Variants in CPQ observed in about 807,000 individuals in gnomAD.
CPQ encodes Ser-Met dipeptidase.
A neutral mutation model predicts 45.7 loss-of-function variants in CPQ; 37 were observed. The ratio of observed to expected loss-of-function variants is 0.81; its 90% CI spans 0.62 to 1.07. CPQ has a LOEUF of 1.07. Ranked by LOEUF, CPQ falls within the 50% of genes least tolerant of loss-of-function variation. The probability of loss-of-function intolerance (pLI) is 0.00; values close to 1 mark genes in which losing one functional copy is unlikely to be tolerated. For missense variants in CPQ, 537 were observed against 572.9 expected (o/e 0.94, Z 0.64); for synonymous variants, 186 against 205.8 (o/e 0.90, Z 0.82).
chr8:96,821,216 G>A (rs1811304040), intron 2 of CPQ, among the ~76,000 whole-genome samples: 1 of 131,946 alleles, frequency 7.6e-6, no homozygotes, highest in South Asian at 2.5e-4. Context: ...TGGATAGTTT[G>A]CAAATATTTT....
chr8:96,943,742 T>C (rs1813152410), intron 4 of CPQ, among the ~76,000 whole-genome samples: 1 of 152,190 alleles, frequency 6.6e-6, no homozygotes, highest in Non-Finnish European at 1.5e-5. Context: ...AGAAGTGTTG[T>C]AGCTTTTTGT....
At chr8:97,097,476 C>A (rs1180481513) in intron 7 of CPQ, among the ~76,000 whole-genome samples, 3 of 152,086 alleles carry the variant, frequency 2.0e-5, no homozygotes, top group African/African-American at 4.8e-5. Flanking sequence ...GTGATTGTAA[C>A]CCCCATTCTT....
chr8:96,740,288 C>G (rs1409950971), intron 1 of CPQ, among the ~76,000 whole-genome samples: 2 of 152,078 alleles, frequency 1.3e-5, no homozygotes, highest in East Asian at 3.9e-4. Context: ...TATAAGAATG[C>G]TTGTGATTTT....
intron 7 of CPQ, among the ~76,000 whole-genome samples, chr8:97,100,516 G>C (rs1245716102): frequency 6.6e-6 from 1 of 152,180 alleles, no homozygotes; most frequent in Non-Finnish European, 1.5e-5. Flanking sequence ...GCAGGTCAGG[G>C]ATAGGGATAA....
intron 3 of CPQ, among the ~76,000 whole-genome samples, chr8:96,870,944 G>C (rs1260419194): frequency 6.6e-6 from 1 of 151,848 alleles, no homozygotes; most frequent in African/African-American, 2.4e-5. Flanking sequence ...CCAAACTAAG[G>C]TTTAAAAAAG....
intron 5 of CPQ, among the ~76,000 whole-genome samples, chr8:96,986,460 C>T (rs1258799658): frequency 1.3e-5 from 2 of 152,026 alleles, no homozygotes; most frequent in Admixed American, 6.6e-5. Flanking sequence ...AAATTTTATA[C>T]GGATTTTTTT....
chr8:97,115,874 G>A (rs1230606768), intron 7 of CPQ, among the ~76,000 whole-genome samples: 2 of 152,124 alleles, frequency 1.3e-5, no homozygotes, highest in Non-Finnish European at 2.9e-5. Flanking sequence ...TTGAAAAAAT[G>A]GTTATAATTG....
At chr8:97,017,706 C>G (rs973589223) in intron 5 of CPQ, among the ~76,000 whole-genome samples, 1 of 152,134 alleles carries the variant, frequency 6.6e-6, no homozygotes, top group African/African-American at 2.4e-5. Context: ...AACATAACTC[C>G]ATTGACCTAG....
At chr8:96,895,674 A>T (rs1812433797) in intron 4 of CPQ, among the ~76,000 whole-genome samples, 1 of 152,184 alleles carries the variant, frequency 6.6e-6, no homozygotes. Context: ...CCCTTCCAAG[A>T]GAACTGCCTT....
rs547384931 is a variant in CPQ, at chr8:97,021,740, ATGCTTGT to A, written c.962-7662_962-7656del. The stretch of plus-strand genomic sequence containing the variant: ...ACGCAAACAAATGGAAACACATCCC[ATGCTTGT>A]GAATAGGTAGAATCAATATTGTGAA... On this transcript the variant is annotated intron_variant, in intron 5 of 7. Transcript: ENST00000220763. 1.3e-4 allele frequency among the ~76,000 whole-genome samples: 20 copies of A among 152,338 alleles called. No individual in the cohort carries two copies. In the East Asian group the frequency reaches 3.7e-3, roughly 28 times the overall value.
intron 5 of CPQ, among the ~76,000 whole-genome samples, chr8:96,989,992 C>A (rs988358979): frequency 7.9e-5 from 12 of 152,122 alleles, no homozygotes; most frequent in African/African-American, 2.9e-4. Flanking sequence ...AGCAAAATCC[C>A]GTGTCTCTCC....
intron 4 of CPQ, among the ~76,000 whole-genome samples, chr8:96,953,560 T>A (rs2853253): frequency 0.5 from 75,521 of 151,504 alleles, 20,923 homozygotes; most frequent in African/African-American, 0.76. Flanking sequence ...GAAAATCCTG[T>A]CAGTTCTTTT....
At chr8:97,085,294 G>A (rs984568292) in intron 7 of CPQ, among the ~76,000 whole-genome samples, 2 of 151,918 alleles carry the variant, frequency 1.3e-5, no homozygotes, top group Non-Finnish European at 2.9e-5. Context: ...TGAGGGAGGA[G>A]GATCACTTGA....
intron 6 of CPQ, among the ~76,000 whole-genome samples, chr8:97,044,850 G>A (rs922631772): frequency 6.6e-6 from 1 of 152,176 alleles, no homozygotes; most frequent in South Asian, 2.1e-4. Context: ...TGGAATTTTT[G>A]TCTCAGAGGA....
intron 2 of CPQ, among the ~76,000 whole-genome samples, chr8:96,817,834 C>T (rs1176656466): frequency 6.6e-6 from 1 of 151,978 alleles, no homozygotes; most frequent in East Asian, 1.9e-4. Flanking sequence ...AAGCTGGTCT[C>T]CAACTACTGG....
chr8:97,064,637 G>A lies in CPQ; in HGVS notation c.1054-1372G>A, dbSNP rs934575950. 1.1e-4 allele frequency among the ~76,000 whole-genome samples: 17 copies of A among 152,150 alleles called. 1 individual carries two copies. The highest frequency in any genetic ancestry group is 3.3e-4 in the Admixed American group (5 of 15,288). On this transcript the variant is annotated intron_variant, in intron 6 of 7. Coordinates refer to ENST00000220763, the MANE Select transcript of CPQ (RefSeq NM_016134.4). ...CAGGGCCCTGCATTCAGTAAATGCC[G>A]GCAACATCTTTCTTTAGAAACTATC... is the stretch of plus-strand genomic sequence containing the variant.
Position 96,662,339 on chromosome 8 carries a change from A to G in CPQ, c.-35+16937A>G, listed in dbSNP as rs529999612. Among the ~76,000 whole-genome samples, 8 of 152,310 alleles carry G rather than the reference A, an allele frequency of 5.3e-5. No individual in the cohort carries two copies. In the East Asian group the frequency reaches 1.5e-3, roughly 29 times the overall value. The stretch of plus-strand genomic sequence containing the variant: ...CATTTAAAAATTTCTCTTGATGAAG[A>G]TATGTGATAATAAAATGGGGGGCAA... On this transcript the variant is annotated intron_variant, in intron 1 of 7. Coordinates refer to ENST00000220763, the MANE Select transcript of CPQ (RefSeq NM_016134.4).
At chr8:96,768,124 C>T (rs540572361) in intron 1 of CPQ, among the ~76,000 whole-genome samples, 10 of 152,162 alleles carry the variant, frequency 6.6e-5, no homozygotes, top group South Asian at 6.2e-4. Context: ...ATCTTGCTTC[C>T]GCCACTTCCT....
intron 4 of CPQ, among the ~76,000 whole-genome samples, chr8:96,936,550 C>T (rs1365277356): frequency 1.3e-5 from 2 of 152,180 alleles, no homozygotes; most frequent in Non-Finnish European, 2.9e-5. Flanking sequence ...GGAACCAGTA[C>T]AGGTCTCTGA....
Sources: allele counts gnomAD v4.1 joint callset (sites outside exome capture counted in the v4.1 genomes callset), GRCh38; gene constraint gnomAD v4.1.1; transcripts MANE v1.5; gene names NCBI Gene and HGNC (gene_info 2026-07-23, HGNC 2026-07-21).